Variants in THSD7A observed in about 807,000 individuals in gnomAD.
The protein encoded by THSD7A is thrombospondin type-1 domain-containing protein 7A.
THSD7A carries 96 observed loss-of-function variants against 231.3 expected under a neutral mutation model. The observed-to-expected ratio is 0.41, with a 90% CI of 0.35 to 0.49. The LOEUF is 0.49. Ranked by LOEUF, THSD7A falls within the 20% of genes least tolerant of loss-of-function variation. THSD7A has a pLI of 0.05. For missense variants in THSD7A, 2,290 were observed against 2,070.2 expected (o/e 1.11, Z -2.06); for synonymous variants, 940 against 743.3 (o/e 1.26, Z -4.30).
At chr7:11,521,129 A>G (rs1788244087) in intron 6 of THSD7A, among the ~76,000 whole-genome samples, 1 of 152,190 alleles carries the variant, frequency 6.6e-6, no homozygotes, top group South Asian at 2.1e-4. Flanking sequence ...AATGTACTAC[A>G]CAGACATTTC....
At chr7:11,615,641 T>C (rs1781080460) in intron 2 of THSD7A, among the ~76,000 whole-genome samples, 1 of 152,184 alleles carries the variant, frequency 6.6e-6, no homozygotes, top group Non-Finnish European at 1.5e-5. Flanking sequence ...TTTTATATTA[T>C]TTATAAGTGG....
chr7:11,820,377 G>A (rs1784837346), intron 1 of THSD7A: 9 of 1,264,060 alleles, frequency 7.1e-6, no homozygotes, highest in African/African-American at 3.1e-5. Context: ...CACTCTTGTC[G>A]TCTTCAATCT....
At chr7:11,425,337 A>G (rs932990400) in intron 15 of THSD7A, among the ~76,000 whole-genome samples, 4 of 152,178 alleles carry the variant, frequency 2.6e-5, no homozygotes, top group African/African-American at 9.6e-5. Flanking sequence ...GAGAATTTAG[A>G]TTTTTGGTGT....
At chr7:11,753,302 T>A (rs1166505445) in intron 1 of THSD7A, among the ~76,000 whole-genome samples, 1 of 152,122 alleles carries the variant, frequency 6.6e-6, no homozygotes, top group African/African-American at 2.4e-5. Flanking sequence ...TGTTTTGCAG[T>A]GTTGTAGTTT....
intron 1 of THSD7A, among the ~76,000 whole-genome samples, chr7:11,681,974 A>G (rs745694494): frequency 3.3e-5 from 5 of 152,112 alleles, no homozygotes; most frequent in Non-Finnish European, 7.4e-5. Context: ...AAAAAAAGAA[A>G]TTCCAACAAA....
At chr7:11,489,872 T>A (rs1038641005) in intron 6 of THSD7A, among the ~76,000 whole-genome samples, 1 of 152,092 alleles carries the variant, frequency 6.6e-6, no homozygotes, top group African/African-American at 2.4e-5. Flanking sequence ...TGATATATTA[T>A]CTTTAGGTTT....
intron 1 of THSD7A, among the ~76,000 whole-genome samples, chr7:11,709,168 A>T (rs559317735): frequency 6.6e-6 from 1 of 150,906 alleles, no homozygotes; most frequent in South Asian, 2.1e-4. Flanking sequence ...TTTTCTGAAT[A>T]TTTAGGGTCT....
intron 1 of THSD7A, among the ~76,000 whole-genome samples, chr7:11,743,505 A>C (rs903351167): frequency 8.6e-5 from 13 of 151,998 alleles, no homozygotes; most frequent in Middle Eastern, 3.4e-3. Flanking sequence ...TTGTAGTCTA[A>C]TACTACGCAT....
intron 11 of THSD7A, among the ~76,000 whole-genome samples, chr7:11,452,525 T>C (rs1328168075): frequency 6.6e-6 from 1 of 152,030 alleles, no homozygotes; most frequent in African/African-American, 2.4e-5. Context: ...GTCTCACTGA[T>C]GCTTATAATA....
rs564891768 is a variant in THSD7A, at chr7:11,735,678, C to T, written c.190+96079G>A. Among the ~76,000 whole-genome samples the T allele has an allele frequency of 2.6e-4, 39 of 151,898 alleles. 2 individuals carry two copies. The highest frequency in any genetic ancestry group is 6.8e-3 in the Middle Eastern group (2 of 294). ...CAAGCACAAGTTTTATGAACTAGAGCCTCAAAACTACTTTCTGTTTCATCT... is the reference window on the plus strand; with the variant it reads ...CAAGCACAAGTTTTATGAACTAGAGTCTCAAAACTACTTTCTGTTTCATCT... On this transcript the variant is annotated intron_variant, in intron 1 of 27. Transcript: ENST00000423059.
chr7:11,402,423 TTA>T (rs1338579948), intron 22 of THSD7A, among the ~76,000 whole-genome samples: 2 of 152,226 alleles, frequency 1.3e-5, no homozygotes, highest in East Asian at 3.8e-4. Flanking sequence ...AGAGCTGGTT[TTA>T]TGTTTTCATT....
At chr7:11,484,908 GGA>G (rs1786591361) in intron 6 of THSD7A, among the ~76,000 whole-genome samples, 1 of 26,058 alleles carries the variant, frequency 3.8e-5, no homozygotes, top group East Asian at 1.3e-3. Context: ...TTTTTTTTGT[GGA>G]GACGGAGTCT....
At chr7:11,398,882 G>A (rs547580273) in intron 23 of THSD7A, among the ~76,000 whole-genome samples, 5 of 152,156 alleles carry the variant, frequency 3.3e-5, no homozygotes, top group Non-Finnish European at 5.9e-5. Flanking sequence ...GACTTAAAGA[G>A]TAAAAAGCAT....
chr7:11,571,809 T>G (rs1048884399), intron 4 of THSD7A, among the ~76,000 whole-genome samples: 39 of 152,216 alleles, frequency 2.6e-4, no homozygotes, highest in Admixed American at 2.1e-3. Flanking sequence ...GTATCTTTTT[T>G]TTTTCCTCTG....
intron 1 of THSD7A, among the ~76,000 whole-genome samples, chr7:11,808,356 T>C (rs1220931149): frequency 1.3e-5 from 2 of 152,142 alleles, no homozygotes; most frequent in East Asian, 1.9e-4. Flanking sequence ...CCTTCCACCG[T>C]GTGAGGACAC....
chr7:11,729,929 A>T (rs77439059), intron 1 of THSD7A, among the ~76,000 whole-genome samples: 2,954 of 151,816 alleles, frequency 0.019, 103 homozygotes, highest in African/African-American at 0.068. Context: ...CAGAAAAAAA[A>T]GTCTTCCAGT....
At chr7:11,476,644 T>G (rs922533016) in intron 7 of THSD7A, among the ~76,000 whole-genome samples, 2 of 151,796 alleles carry the variant, frequency 1.3e-5, no homozygotes, top group African/African-American at 4.8e-5. Context: ...CGGTGAAACC[T>G]TGTCTCTACT....
At chr7:11,487,972 A>C (rs2128306597) in intron 6 of THSD7A, among the ~76,000 whole-genome samples, 1 of 152,252 alleles carries the variant, frequency 6.6e-6, no homozygotes, top group Non-Finnish European at 1.5e-5. Context: ...TTTATGGTTG[A>C]TTTTAACAGT....
rs576366974 is a variant in THSD7A at position 11,683,262 on chromosome 7, A to AGG, written c.191-46303_191-46302dup. ...AACAACTTGCTCCTAAATGACTTTT[A>AGG]GGTGAACAATGAAACATAATTAATC... On this transcript the variant is annotated intron_variant, in intron 1 of 27. Transcript: ENST00000423059. Among the ~76,000 whole-genome samples the AGG allele has an allele frequency of 2.4e-4, 36 of 152,136 alleles. 1 individual carries two copies. In the South Asian group the frequency reaches 7.2e-3, roughly 31 times the overall value.
Sources: allele counts gnomAD v4.1 joint callset (sites outside exome capture counted in the v4.1 genomes callset), GRCh38; gene constraint gnomAD v4.1.1; transcripts MANE v1.5; gene names NCBI Gene and HGNC (gene_info 2026-07-23, HGNC 2026-07-21).